Variants in RASSF9 observed in about 807,000 individuals in gnomAD.
RASSF9 encodes Ras association domain family member 9.
A neutral mutation model predicts 21.4 loss-of-function variants in RASSF9; 18 were observed. The observed-to-expected ratio is 0.84, with a 90% confidence interval of 0.58 to 1.25. The LOEUF (loss-of-function observed/expected upper bound fraction) is 1.25, where lower values mean the gene tolerates loss of function less well. RASSF9 is among the 50% of genes most tolerant of loss of function. RASSF9 has a pLI of 0.00. For missense variants in RASSF9, 480 were observed against 503.2 expected, an observed-to-expected ratio of 0.95 and a Z score of 0.44; for synonymous variants, 183 against 179.1, an observed-to-expected ratio of 1.02 and a Z score of -0.18.
chr12:85,832,575 G>T (rs1880474618), intron 1 of RASSF9, among the ~76,000 whole-genome samples: 1 of 151,802 alleles, frequency 6.6e-6, no homozygotes, highest in Admixed American at 6.6e-5. Flanking sequence ...AAATCCAATT[G>T]TTGAATGTCC....
At chr12:85,817,830 A>T (rs1426549809) in intron 1 of RASSF9, among the ~76,000 whole-genome samples, 1 of 152,166 alleles carries the variant, frequency 6.6e-6, no homozygotes, top group Non-Finnish European at 1.5e-5. Context: ...GCATTACTAG[A>T]AATCATAAGA....
rs189512323 is a variant in RASSF9 at position 85,831,049 on chromosome 12, G to T, written c.47+5106C>A. Among the ~76,000 whole-genome samples, 680 of 152,132 alleles carry T rather than the reference G, an allele frequency of 4.5e-3. 5 individuals carry two copies. Among genetic ancestry groups the T allele is most frequent in the African/African-American group, 0.015 (625 of 41,542 alleles). On this transcript the variant is annotated intron_variant, in intron 1 of 1. Coordinates refer to ENST00000361228, the MANE Select transcript of RASSF9 (RefSeq NM_005447.4). ...ATATGCATGGTGCAGATATCATGAGGTTTCATTTTAGAAAGCTGATATGTA... is the reference window on the plus strand; with the variant it reads ...ATATGCATGGTGCAGATATCATGAGTTTTCATTTTAGAAAGCTGATATGTA...
At position 85,804,639 on chromosome 12, in the gene RASSF9, G is replaced by A; in HGVS notation, c.*63C>T. ...TTTTTGAGTGTTATATTTAAAATGA[G>A]GTTTCCTATTAAATTAAACAAACAT... is the stretch of plus-strand genomic sequence containing the variant. On this transcript the variant is annotated 3_prime_UTR_variant, in exon 2 of 2. Transcript: ENST00000361228. 1 of 1,400,382 alleles carries A rather than the reference G, an allele frequency of 7.1e-7. No homozygotes were observed. The highest frequency in any genetic ancestry group is 9.6e-7 in the Non-Finnish European group (1 of 1,040,214). 86.7% of individuals were successfully genotyped at this position (1,400,382 alleles called of 1,614,324 possible).
At chr12:85,828,520 AT>A (rs1297688515) in intron 1 of RASSF9, among the ~76,000 whole-genome samples, 1 of 152,122 alleles carries the variant, frequency 6.6e-6, no homozygotes, top group African/African-American at 2.4e-5. Flanking sequence ...AAAATAAAAT[AT>A]TATGAGCATA....
intron 1 of RASSF9, among the ~76,000 whole-genome samples, chr12:85,809,930 A>G (rs1388720075): frequency 1.3e-5 from 2 of 151,584 alleles, no homozygotes; most frequent in Non-Finnish European, 3.0e-5. Flanking sequence ...ACTGGCACCA[A>G]AACTATCATT....
Position 85,804,898 on chromosome 12 carries a change from T to C in RASSF9, c.1112A>G (p.Asn371Ser), listed in dbSNP as rs747658181. 3 of 1,613,682 alleles carry C rather than the reference T, an allele frequency of 1.9e-6. No homozygotes were observed. The highest frequency in any genetic ancestry group is 1.3e-5 in the African/African-American group (1 of 74,932). ...TTCCTTTAACTGGCACCCATCTTTG[T>C]TGCTAATGTGAAGTGAATTGAATTC... ...AKEFNSLHIS[N>S]KDGCQLKENR... Residue 371 changes from asparagine to serine, a missense_variant, in exon 2 of 2, where the codon AAC (asparagine) becomes AGC (serine). By Grantham distance (46) the Asn-to-Ser change is conservative. Coordinates refer to ENST00000361228, the MANE Select transcript of RASSF9 (RefSeq NM_005447.4).
At chr12:85,820,872 G>T (rs921882669) in intron 1 of RASSF9, among the ~76,000 whole-genome samples, 6 of 152,098 alleles carry the variant, frequency 3.9e-5, no homozygotes, top group African/African-American at 1.2e-4. Context: ...GAGGCCGGGC[G>T]CGGTGGCTCA....
At chr12:85,827,587 A>G (rs1415307483) in intron 1 of RASSF9, among the ~76,000 whole-genome samples, 2 of 152,142 alleles carry the variant, frequency 1.3e-5, no homozygotes, top group East Asian at 3.9e-4. Context: ...CTAAATAATC[A>G]TACTCCATCT....
chr12:85,805,363 G>A lies in RASSF9; in HGVS notation c.647C>T (p.Ala216Val). Residue 216 changes from alanine to valine, a missense_variant, in exon 2 of 2, where the codon GCT becomes GTT. By Grantham distance (64) the Ala-to-Val change is moderately conservative (BLOSUM62 0). Coordinates refer to ENST00000361228, the MANE Select transcript of RASSF9 (RefSeq NM_005447.4). ...TTCTACTCGATCAAGATGGAACTTA[G>A]CTTCACACTTTTCAATTTCCAGATC... ...ELDLEIEKCE[A>V]KFHLDRVEND... The A allele has an allele frequency of 6.2e-7, 1 of 1,613,004 alleles. No homozygotes were observed. Among genetic ancestry groups the A allele is most frequent in the Non-Finnish European group, 8.5e-7 (1 of 1,179,530 alleles).
rs961896026 is a variant in RASSF9 at position 85,815,378 on chromosome 12, A to G, written c.48-9416T>C. 2.6e-5 allele frequency among the ~76,000 whole-genome samples: 4 copies of G among 152,102 alleles called. No homozygotes were observed. In the East Asian group the frequency reaches 7.7e-4, roughly 29 times the overall value. On this transcript the variant is annotated intron_variant, in intron 1 of 1. Transcript: ENST00000361228. ...TTCATGTGAATTGGTGACATGCATT[A>G]TTCTAAACAAAAATATGGTTATTTG... is the stretch of plus-strand genomic sequence containing the variant.
intron 1 of RASSF9, among the ~76,000 whole-genome samples, chr12:85,815,700 G>A (rs116440561): frequency 0.017 from 2,384 of 139,702 alleles, 49 homozygotes; most frequent in African/African-American, 0.063. Context: ...CAGTGATGTC[G>A]ACCTTTAATT....
intron 1 of RASSF9, among the ~76,000 whole-genome samples, chr12:85,835,300 A>T (rs1880534610): frequency 6.6e-6 from 1 of 152,198 alleles, no homozygotes; most frequent in Non-Finnish European, 1.5e-5. Context: ...AAAAAAATAT[A>T]GCCCATGTCT....
intron 1 of RASSF9, among the ~76,000 whole-genome samples, chr12:85,822,915 T>C (rs971782925): frequency 1.3e-5 from 2 of 152,064 alleles, no homozygotes; most frequent in African/African-American, 2.4e-5. Context: ...AAATGTCTAC[T>C]GCCGGCCAGG....
chr12:85,801,832 A>G lies in RASSF9; in HGVS notation c.*2870T>C, dbSNP rs1341369456. On this transcript the variant is annotated 3_prime_UTR_variant, in exon 2 of 2. Coordinates refer to ENST00000361228, the MANE Select transcript of RASSF9 (RefSeq NM_005447.4). ...TCCGTCTCAAGGAAAAAAAAAATAG[A>G]ATTCATTGAAGGAGGGGAATTAGGT... is the stretch of plus-strand genomic sequence containing the variant. 2 of 152,066 alleles carry G rather than the reference A, an allele frequency of 1.3e-5. No homozygotes were observed. The highest frequency in any genetic ancestry group is 4.8e-5 in the African/African-American group (2 of 41,388). The allele number at this position is 152,066 out of a possible 1,614,324, so 9.4% of individuals were successfully genotyped here.
chr12:85,816,914 A>G (rs1592530025), intron 1 of RASSF9, among the ~76,000 whole-genome samples: 1 of 152,180 alleles, frequency 6.6e-6, no homozygotes, highest in South Asian at 2.1e-4. Context: ...TATGGCATTC[A>G]TATTAAAAAC....
chr12:85,824,753 T>G (rs1418603074), intron 1 of RASSF9, among the ~76,000 whole-genome samples: 2 of 152,198 alleles, frequency 1.3e-5, no homozygotes, highest in African/African-American at 4.8e-5. Flanking sequence ...ACAGATCTAC[T>G]ATGAGAACAA....
chr12:85,815,513 C>T (rs1400825220), intron 1 of RASSF9, among the ~76,000 whole-genome samples: 1 of 152,072 alleles, frequency 6.6e-6, no homozygotes, highest in Admixed American at 6.6e-5. Context: ...TGAGGAATTG[C>T]CACACTGTCT....
rs960682290 is a variant in RASSF9, at chr12:85,801,366, A to G, written c.*3336T>C. The G allele has an allele frequency of 6.6e-6, 1 of 152,100 alleles. No homozygotes were observed. The highest frequency in any genetic ancestry group is 1.5e-5 in the Non-Finnish European group (1 of 68,040). 9.4% of individuals were successfully genotyped at this position (152,100 alleles called of 1,614,324 possible). ...ACGTATTCATTCATGTACAAAATGT[A>G]CAAGCATCATTTACCATCTATAAAA... is the stretch of plus-strand genomic sequence containing the variant. On this transcript the variant is annotated 3_prime_UTR_variant, in exon 2 of 2. Transcript: ENST00000361228.
At chr12:85,814,952 G>A (rs181644936) in intron 1 of RASSF9, among the ~76,000 whole-genome samples, 1 of 152,182 alleles carries the variant, frequency 6.6e-6, no homozygotes. Context: ...GATGGTTGTG[G>A]TAGGGCTGTG....
Sources: allele counts gnomAD v4.1 joint callset (sites outside exome capture counted in the v4.1 genomes callset), GRCh38; gene constraint gnomAD v4.1.1; transcripts MANE v1.5; gene names NCBI Gene and HGNC (gene_info 2026-07-23, HGNC 2026-07-21).